Variants in PLCE1 observed in about 807,000 individuals in gnomAD.
PLCE1 encodes 1-phosphatidylinositol 4,5-bisphosphate phosphodiesterase epsilon-1.
Under a neutral mutation model 242.8 loss-of-function variants are expected in PLCE1, and 119 were observed. The observed-to-expected ratio is 0.49, with a 90% CI of 0.42 to 0.57. The LOEUF (loss-of-function observed/expected upper bound fraction) is 0.57, where lower values mean the gene tolerates loss of function less well. Among genes scored for constraint, PLCE1 ranks in the 20% least tolerant of loss-of-function variants. PLCE1 has a pLI of 0.00. For synonymous variants in PLCE1, 945 were observed against 1,017.4 expected (o/e 0.93, Z 1.35); for missense variants, 2,441 against 2,788.8 (o/e 0.88, Z 2.81).
chr10:94,274,808 C>T (rs2051884261), intron 19 of PLCE1, among the ~76,000 whole-genome samples: 1 of 152,062 alleles, frequency 6.6e-6, no homozygotes, highest in Non-Finnish European at 1.5e-5. Flanking sequence ...TCCAGGTGAC[C>T]TTGCTTTTGC....
chr10:94,161,127 T>C (rs2047598839), intron 3 of PLCE1, among the ~76,000 whole-genome samples: 1 of 152,208 alleles, frequency 6.6e-6, no homozygotes, highest in Admixed American at 6.5e-5. Flanking sequence ...AAAAGTAGTT[T>C]TTTCCAATTC....
At chr10:94,065,269 T>C (rs2044167101) in intron 2 of PLCE1, among the ~76,000 whole-genome samples, 1 of 152,176 alleles carries the variant, frequency 6.6e-6, no homozygotes, top group African/African-American at 2.4e-5. Context: ...GACTCTTGGA[T>C]TGCACTGGAT....
intron 1 of PLCE1, among the ~76,000 whole-genome samples, chr10:94,019,076 G>C (rs1390602634): frequency 6.6e-6 from 1 of 152,156 alleles, no homozygotes; most frequent in Non-Finnish European, 1.5e-5. Flanking sequence ...TATTTCATAG[G>C]ATCATTATGA....
At chr10:94,187,343 A>G (rs909339984) in intron 4 of PLCE1, among the ~76,000 whole-genome samples, 3 of 152,186 alleles carry the variant, frequency 2.0e-5, no homozygotes, top group Non-Finnish European at 4.4e-5. Flanking sequence ...ATGGGATGTC[A>G]GTATTCATTC....
At chr10:94,046,991 A>T (rs2061897502) in intron 2 of PLCE1, among the ~76,000 whole-genome samples, 1 of 152,018 alleles carries the variant, frequency 6.6e-6, no homozygotes, top group Non-Finnish European at 1.5e-5. Context: ...AAATTTTGTT[A>T]TTTTTTTATA....
At chr10:94,008,546 T>C (rs1271414069) in intron 1 of PLCE1, among the ~76,000 whole-genome samples, 1 of 152,172 alleles carries the variant, frequency 6.6e-6, no homozygotes, top group Non-Finnish European at 1.5e-5. Context: ...TGACCTCAAG[T>C]GATCTGCCTG....
intron 20 of PLCE1, 139 bp downstream of exon 20, chr10:94,280,050 A>G: frequency 1.1e-6 from 1 of 895,310 alleles, no homozygotes; most frequent in Non-Finnish European, 1.8e-6. Context: ...TTCTGAATTC[A>G]GTCACTTAGC....
In PLCE1 at chr10:94,248,176, C is replaced by T. The variant is rs2050753525; in HGVS notation, c.3096+1555C>T. On this transcript the variant is annotated intron_variant, in intron 8 of 32. Transcript: ENST00000371380. ...TTCTTCTTTCCCTACACCCATGTCA[C>T]GATTATGAGCAGAGACCATATCCTG... Among the ~76,000 whole-genome samples, 4 of 152,166 alleles carry T rather than the reference C, an allele frequency of 2.6e-5. No individual in the cohort carries two copies. The South Asian group carries it at 6.2e-4, about 24-fold the overall frequency.
At chr10:94,203,875 T>C (rs1398710344) in intron 4 of PLCE1, among the ~76,000 whole-genome samples, 1 of 150,708 alleles carries the variant, frequency 6.6e-6, no homozygotes, top group Non-Finnish European at 1.5e-5. Context: ...GTCTCTAATT[T>C]GAAACAGCAT....
intron 2 of PLCE1, chr10:94,108,873 C>G (rs532045636): frequency 6.6e-6 from 1 of 152,326 alleles, no homozygotes; most frequent in Non-Finnish European, 1.5e-5. Flanking sequence ...AGTAACAGCC[C>G]TCTTTGTATG....
intron 11 of PLCE1, among the ~76,000 whole-genome samples, chr10:94,255,390 C>G (rs2051036286): frequency 6.6e-6 from 1 of 152,146 alleles, no homozygotes; most frequent in Non-Finnish European, 1.5e-5. Flanking sequence ...GTTCCTCAGT[C>G]ACAGTAGTGA....
chr10:94,226,341 G>C (rs1171943711), intron 4 of PLCE1, among the ~76,000 whole-genome samples: 1 of 152,176 alleles, frequency 6.6e-6, no homozygotes, highest in Admixed American at 6.5e-5. Context: ...CTCTGGAGAA[G>C]ACACCCTAAG....
rs893851691 is a variant in PLCE1, at chr10:94,007,781, ACACATG to A, written c.-365+13535_-365+13540del. Among the ~76,000 whole-genome samples, 19 of 143,182 alleles carry A rather than the reference ACACATG, an allele frequency of 1.3e-4. 1 individual carries two copies. The South Asian group carries it at 4.1e-3, about 31-fold the overall frequency. 93.9% of individuals were successfully genotyped at this position (143,182 alleles called of 152,430 possible). A position where few individuals can be genotyped will look rare whatever the true frequency, so the allele number is the denominator to read the frequency against. On this transcript the variant is annotated intron_variant, in intron 1 of 32. Coordinates refer to ENST00000371380, the MANE Select transcript of PLCE1 (RefSeq NM_016341.4). ...TTTTTCTATGTATTTACATAGTTACACACATGCACATGCACATAAAGATATACTTTT... is the reference window on the plus strand; with the variant it reads ...TTTTTCTATGTATTTACATAGTTACACACATGCACATAAAGATATACTTTT...
rs368314080 is a variant in PLCE1, at chr10:94,324,967, C to T, written c.6796C>T (p.Pro2266Ser). 24 of 1,614,100 alleles carry T rather than the reference C, an allele frequency of 1.5e-5. No homozygotes were observed. In the African/African-American group the frequency reaches 3.1e-4, roughly 21 times the overall value. The change falls in exon 32 of 33, where the codon CCC becomes TCC. Residue 2266 changes from proline (P) to serine (S), a missense_variant. Pro to Ser is a moderately conservative substitution (Grantham distance 74). Coordinates refer to ENST00000371380, the MANE Select transcript of PLCE1 (RefSeq NM_016341.4). ...GAAGCTCACCAAGTCAACTAAACAG[C>T]CCCGAGGACTTACATCACCTTCTCA... ...LKKLTKSTKQPRGLTSPSQLL... is the reference protein window; with the variant it reads ...LKKLTKSTKQSRGLTSPSQLL...
intron 3 of PLCE1, among the ~76,000 whole-genome samples, chr10:94,164,911 G>A (rs958658690): frequency 1.3e-5 from 2 of 152,180 alleles, no homozygotes; most frequent in Admixed American, 1.3e-4. Flanking sequence ...TCTGGACCCT[G>A]TTTGCCTGGG....
intron 1 of PLCE1, among the ~76,000 whole-genome samples, chr10:94,027,185 A>G (rs1173970095): frequency 6.6e-6 from 1 of 150,494 alleles, no homozygotes; most frequent in African/African-American, 2.5e-5. Flanking sequence ...TGTGAAGGAA[A>G]CCCTCCCTGG....
chr10:94,230,353 C>T (rs1331142784), intron 5 of PLCE1, among the ~76,000 whole-genome samples: 1 of 152,064 alleles, frequency 6.6e-6, no homozygotes, highest in Admixed American at 6.6e-5. Flanking sequence ...TAAACGGAGC[C>T]TCACCGTGTC....
intron 4 of PLCE1, among the ~76,000 whole-genome samples, chr10:94,180,955 G>C (rs918253968): frequency 3.3e-5 from 5 of 152,106 alleles, no homozygotes; most frequent in African/African-American, 1.2e-4. Flanking sequence ...ATTACACAGT[G>C]GTATTCTCTT....
chr10:94,234,223 T>C lies in PLCE1; in HGVS notation c.2125T>C (p.Phe709Leu). 1 of 1,614,110 alleles carries C rather than the reference T, an allele frequency of 6.2e-7. No individual in the cohort carries two copies. The highest frequency in any genetic ancestry group is 8.5e-7 in the Non-Finnish European group (1 of 1,179,982). Residue 709 changes from phenylalanine (F) to leucine (L), a missense_variant, in exon 6 of 33, where the codon TTT becomes CTT. Physicochemically the swap from Phe to Leu is conservative, Grantham distance 22 (BLOSUM62 0). Transcript: ENST00000371380. Reference sequence around the variant, plus strand: ...TAAGGTGGTTCCATTCTGTGGGGTGTTTCTGAAGGAGCTCTGTGAAGTGCT... The same window carrying C: ...TAAGGTGGTTCCATTCTGTGGGGTGCTTCTGAAGGAGCTCTGTGAAGTGCT... ...GCKVVPFCGVFLKELCEVLDG... is the reference protein window; with the variant it reads ...GCKVVPFCGVLLKELCEVLDG...
Sources: allele counts gnomAD v4.1 joint callset (sites outside exome capture counted in the v4.1 genomes callset), GRCh38; gene constraint gnomAD v4.1.1; transcripts MANE v1.5; gene names NCBI Gene and HGNC (gene_info 2026-07-23, HGNC 2026-07-21).